Variants in LYPLAL1 observed in about 807,000 individuals in gnomAD.
LYPLAL1 encodes the protein lysophospholipase like 1.
Under a neutral mutation model 19.7 loss-of-function variants are expected in LYPLAL1, and 23 were observed. The ratio of observed to expected loss-of-function variants is 1.17; its 90% confidence interval spans 0.84 to 1.65. The LOEUF is 1.65. LYPLAL1 is among the 40% of genes most tolerant of loss of function. The pLI is 0.00. For synonymous variants in LYPLAL1, 119 were observed against 96.3 expected (o/e 1.24, Z -1.38); for missense variants, 355 against 279.4 (o/e 1.27, Z -1.93).
chr1:219,363,838 A>G, the LYPLAL1 span, among the ~76,000 whole-genome samples: 7 of 152,270 alleles, frequency 4.6e-5, no homozygotes, highest in African/African-American at 1.7e-4. Flanking sequence ...TACTCAGTGA[A>G]GGTAATATCT....
the LYPLAL1 span, among the ~76,000 whole-genome samples, chr1:219,379,176 C>T: frequency 4.6e-5 from 7 of 152,130 alleles, no homozygotes; most frequent in Non-Finnish European, 8.8e-5. Flanking sequence ...TTCTGTTAAC[C>T]TCTAATTCAC....
At chr1:219,441,675 G>T in the LYPLAL1 span, among the ~76,000 whole-genome samples, 6 of 152,156 alleles carry the variant, frequency 3.9e-5, no homozygotes, top group African/African-American at 1.2e-4. Context: ...TAAGGAAAAC[G>T]CTGTAGCCAC....
At chr1:219,362,631 G>A in the LYPLAL1 span, among the ~76,000 whole-genome samples, 91 of 152,270 alleles carry the variant, frequency 6.0e-4, no homozygotes, top group African/African-American at 2.1e-3. Context: ...CAACGTACCT[G>A]CAGGAAATGG....
the LYPLAL1 span, among the ~76,000 whole-genome samples, chr1:219,301,057 A>G: frequency 1.4e-5 from 1 of 73,232 alleles, no homozygotes. Flanking sequence ...CTCCACCTCT[A>G]AAAAAAAAAA....
At chr1:219,419,584 C>CAGAGAGAGAGAG in the LYPLAL1 span, among the ~76,000 whole-genome samples, 325 of 128,942 alleles carry the variant, frequency 2.5e-3, 1 homozygote, top group African/African-American at 9.7e-3. Flanking sequence ...CACACACACA[C>CAGAGAGAGAGAG]ACACACACAC....
At chr1:219,326,909 C>T in the LYPLAL1 span, among the ~76,000 whole-genome samples, 1 of 152,158 alleles carries the variant, frequency 6.6e-6, no homozygotes, top group African/African-American at 2.4e-5. Flanking sequence ...GAGAAAAATG[C>T]TGAGAAGTCG....
chr1:219,416,408 C>T, the LYPLAL1 span, among the ~76,000 whole-genome samples: 1 of 152,138 alleles, frequency 6.6e-6, no homozygotes, highest in Non-Finnish European at 1.5e-5. Flanking sequence ...ACAGGCAGAT[C>T]TCAGCCCAGG....
the LYPLAL1 span, among the ~76,000 whole-genome samples, chr1:219,218,959 C>T: frequency 1.3e-5 from 2 of 152,114 alleles, no homozygotes; most frequent in African/African-American, 2.4e-5. Context: ...AGCTGTCCTC[C>T]TCCTTAAGTT....
chr1:219,319,941 C>A, the LYPLAL1 span, among the ~76,000 whole-genome samples: 1 of 152,108 alleles, frequency 6.6e-6, no homozygotes, highest in South Asian at 2.1e-4. Context: ...AGTCACAGTC[C>A]CACCTGAATA....
the LYPLAL1 span, among the ~76,000 whole-genome samples, chr1:219,284,232 A>G: frequency 6.6e-6 from 1 of 152,298 alleles, no homozygotes; most frequent in Admixed American, 6.5e-5. Context: ...TCCTCTATAA[A>G]TTACCAGTCT....
At chr1:219,357,129 A>C in the LYPLAL1 span, among the ~76,000 whole-genome samples, 1 of 152,186 alleles carries the variant, frequency 6.6e-6, no homozygotes, top group African/African-American at 2.4e-5. Context: ...TGATTTCTTG[A>C]AGTTATAGGT....
At chr1:219,299,941 C>A in the LYPLAL1 span, among the ~76,000 whole-genome samples, 1 of 152,144 alleles carries the variant, frequency 6.6e-6, no homozygotes, top group Admixed American at 6.5e-5. Context: ...CAATGTGGGA[C>A]TCAACCTACC....
At chr1:219,434,230 A>G in the LYPLAL1 span, among the ~76,000 whole-genome samples, 1 of 152,236 alleles carries the variant, frequency 6.6e-6, no homozygotes, top group Non-Finnish European at 1.5e-5. Context: ...AAGATTATTC[A>G]AGGTTTACAT....
chr1:219,322,843 A>G, the LYPLAL1 span, among the ~76,000 whole-genome samples: 1 of 152,186 alleles, frequency 6.6e-6, no homozygotes, highest in South Asian at 2.1e-4. Flanking sequence ...CAGTAAAGGG[A>G]AATTAGAAAA....
At chr1:219,281,662 C>T in the LYPLAL1 span, among the ~76,000 whole-genome samples, 10 of 152,118 alleles carry the variant, frequency 6.6e-5, no homozygotes, top group Non-Finnish European at 1.0e-4. Context: ...AAAAACCAAA[C>T]AGGGGAGAAG....
chr1:219,347,648 C>G, the LYPLAL1 span, among the ~76,000 whole-genome samples: 1 of 152,148 alleles, frequency 6.6e-6, no homozygotes, highest in Non-Finnish European at 1.5e-5. Context: ...AATATTTGCA[C>G]AACATAATTT....
intron 1 of LYPLAL1, among the ~76,000 whole-genome samples, chr1:219,177,685 C>T (rs927736385): frequency 1.3e-5 from 2 of 152,186 alleles, no homozygotes; most frequent in African/African-American, 4.8e-5. Context: ...ACCTAAATTT[C>T]TCTAGTATCT....
At chr1:219,338,903 AT>A in the LYPLAL1 span, among the ~76,000 whole-genome samples, 13,775 of 151,970 alleles carry the variant, frequency 0.091, 651 homozygotes, top group Middle Eastern at 0.11. Flanking sequence ...TTTGCAATAA[AT>A]ATTTGCAATA....
At chr1:219,303,738 A>T in the LYPLAL1 span, among the ~76,000 whole-genome samples, 70,588 of 152,066 alleles carry the variant, frequency 0.46, 16,431 homozygotes, top group Admixed American at 0.48. Context: ...TACTTTTACA[A>T]ATGAGGAAAC....
Sources: gnomAD v4.1 joint callset for allele counts (sites outside exome capture counted in the v4.1 genomes callset) on GRCh38, gnomAD v4.1.1 for gene constraint, MANE v1.5 for transcripts, NCBI Gene and HGNC (gene_info 2026-07-23, HGNC 2026-07-21) for gene names.